The following KLHL29 variants were observed in gnomAD, a reference collection of about 807,000 sequenced individuals.
KLHL29 encodes kelch like family member 29, also known as kelch-like protein 29.
KLHL29 carries 21 observed loss-of-function variants against 80.4 expected under a neutral mutation model. The observed-to-expected ratio is 0.26, with a 90% CI of 0.19 to 0.38. The LOEUF is 0.38. Among genes scored for constraint, KLHL29 ranks in the 10% least tolerant of loss-of-function variants. KLHL29 has a pLI of 1.00. For missense variants in KLHL29, 867 were observed against 1,223.9 expected, an observed-to-expected ratio of 0.71 and a Z score of 4.35; for synonymous variants, 511 against 526.8, an observed-to-expected ratio of 0.97 and a Z score of 0.41.
intron 3 of KLHL29, among the ~76,000 whole-genome samples, chr2:23,630,034 GA>G (rs1669429534): frequency 6.6e-6 from 1 of 152,196 alleles, no homozygotes; most frequent in South Asian, 2.1e-4. Flanking sequence ...GAAGAAGGAG[GA>G]AGCCATTGTT....
intron 1 of KLHL29, among the ~76,000 whole-genome samples, chr2:23,408,134 GTTTTCA>G (rs1179332601): frequency 1.3e-5 from 2 of 151,524 alleles, no homozygotes; most frequent in Non-Finnish European, 2.9e-5. Context: ...AAATGCTGAA[GTTTTCA>G]TTTTGTGTTT....
At chr2:23,401,643 A>T (rs1666601511) in intron 1 of KLHL29, among the ~76,000 whole-genome samples, 1 of 152,182 alleles carries the variant, frequency 6.6e-6, no homozygotes, top group African/African-American at 2.4e-5. Context: ...TAGGCACAGG[A>T]GACCTGGGAC....
At chr2:23,670,978 CTCCCTCCCTCCCTCCCTCCCT>C (rs1670720255) in intron 5 of KLHL29, among the ~76,000 whole-genome samples, 1 of 17,444 alleles carries the variant, frequency 5.7e-5, no homozygotes, top group Non-Finnish European at 1.5e-4. Context: ...CTCTCTCTCT[CTCCCTCCCTCCCTCCCTCCCT>C]CCCCCCCCCC....
intron 3 of KLHL29, among the ~76,000 whole-genome samples, chr2:23,618,248 T>C (rs543485181): frequency 6.6e-6 from 1 of 152,262 alleles, no homozygotes; most frequent in South Asian, 2.1e-4. Flanking sequence ...CCAGAGCCAA[T>C]GTCTTTGTAG....
intron 2 of KLHL29, among the ~76,000 whole-genome samples, chr2:23,531,217 G>A (rs1421802202): frequency 6.6e-6 from 1 of 152,240 alleles, no homozygotes; most frequent in African/African-American, 2.4e-5. Context: ...GCCACGTGGT[G>A]GCCAGACAGC....
At chr2:23,573,088 C>G (rs930459578) in intron 3 of KLHL29, among the ~76,000 whole-genome samples, 3 of 152,002 alleles carry the variant, frequency 2.0e-5, no homozygotes, top group Non-Finnish European at 4.4e-5. Context: ...TGGGCCTGAG[C>G]CCGGATGATG....
At chr2:23,455,026 G>A (rs931896790) in intron 1 of KLHL29, among the ~76,000 whole-genome samples, 1 of 150,438 alleles carries the variant, frequency 6.6e-6, no homozygotes, top group African/African-American at 2.4e-5. Context: ...TATTTCTCTC[G>A]CATCTGCAGC....
chr2:23,447,709 A>G (rs1663740438), intron 1 of KLHL29, among the ~76,000 whole-genome samples: 1 of 152,214 alleles, frequency 6.6e-6, no homozygotes, highest in Non-Finnish European at 1.5e-5. Flanking sequence ...AAATTCTGAA[A>G]TAGAAAAGGC....
intron 5 of KLHL29, among the ~76,000 whole-genome samples, chr2:23,650,135 G>A (rs1026174134): frequency 1.3e-5 from 2 of 152,356 alleles, no homozygotes; most frequent in South Asian, 4.1e-4. Context: ...GGCCCTGGGA[G>A]AGAGGTGCAA....
intron 3 of KLHL29, among the ~76,000 whole-genome samples, chr2:23,608,634 A>G (rs926675938): frequency 6.6e-6 from 1 of 152,246 alleles, no homozygotes; most frequent in Non-Finnish European, 1.5e-5. Context: ...TAGGAAGCAG[A>G]TAACTGGAGA....
At chr2:23,518,530 C>G (rs1488537411) in intron 2 of KLHL29, among the ~76,000 whole-genome samples, 1 of 152,166 alleles carries the variant, frequency 6.6e-6, no homozygotes, top group Admixed American at 6.5e-5. Context: ...ACTTCCGTGG[C>G]CTAGAAAAGA....
intron 3 of KLHL29, among the ~76,000 whole-genome samples, chr2:23,627,186 G>A (rs966301154): frequency 2.0e-5 from 3 of 152,186 alleles, no homozygotes; most frequent in Non-Finnish European, 2.9e-5. Flanking sequence ...AATTTAGACG[G>A]CATCTGGCTG....
chr2:23,411,444 G>A (rs1344394643), intron 1 of KLHL29, among the ~76,000 whole-genome samples: 2 of 143,510 alleles, frequency 1.4e-5, no homozygotes, highest in African/African-American at 5.3e-5. Flanking sequence ...AGGATGGAAG[G>A]GCGAGGTAAT....
At position 23,706,832 on chromosome 2, in the gene KLHL29, C is replaced by T. The variant is rs1351326075; in HGVS notation, c.*168C>T. 7.3e-6 allele frequency: 4 copies of T among 549,750 alleles called. No individual in the cohort carries two copies. Among genetic ancestry groups the T allele is most frequent in the Non-Finnish European group, 1.2e-5 (4 of 331,926 alleles). The allele number at this position is 549,750 out of a possible 1,614,324, so 34.1% of individuals were successfully genotyped here. A position where few individuals can be genotyped will look rare whatever the true frequency, so the allele number is the denominator to read the frequency against. On this transcript the variant is annotated 3_prime_UTR_variant, in exon 14 of 14. Transcript: ENST00000486442. The stretch of plus-strand genomic sequence containing the variant: ...TACATTGAATGTAGAAAATCATCCT[C>T]GCCTTTGGATGAAACGGAGGCACCG...
At position 23,700,885 on chromosome 2, in the gene KLHL29, G is replaced by A. The variant is rs1160330732; in HGVS notation, c.2106-2301G>A. Among the ~76,000 whole-genome samples, 1 of 151,946 alleles carries A rather than the reference G, an allele frequency of 6.6e-6. No homozygotes were observed. Among genetic ancestry groups the A allele is most frequent in the African/African-American group, 2.4e-5 (1 of 41,346 alleles). ...GGGACCTTGGCTGCCCTCTGAGGACGCCTCTCAGCTCCCCTCTTAAAGACT... is the reference window on the plus strand; with the variant it reads ...GGGACCTTGGCTGCCCTCTGAGGACACCTCTCAGCTCCCCTCTTAAAGACT... On this transcript the variant is annotated intron_variant, in intron 11 of 13. Coordinates refer to ENST00000486442, the MANE Select transcript of KLHL29 (RefSeq NM_052920.2). The surrounding 1 kb of genome is among the most constrained non-coding windows in gnomAD (Gnocchi z 4.6).
chr2:23,500,880 A>G (rs1280521915), intron 2 of KLHL29, among the ~76,000 whole-genome samples: 1 of 152,180 alleles, frequency 6.6e-6, no homozygotes, highest in Non-Finnish European at 1.5e-5. Context: ...GCACTTTGAC[A>G]TGCTTTTTAA....
intron 1 of KLHL29, among the ~76,000 whole-genome samples, chr2:23,452,877 T>C (rs1247970230): frequency 1.3e-5 from 2 of 151,698 alleles, no homozygotes; most frequent in African/African-American, 4.9e-5. Flanking sequence ...AAGTGGGCTC[T>C]GTTGAGGGAC....
chr2:23,587,407 T>G (rs1350330251), intron 3 of KLHL29, among the ~76,000 whole-genome samples: 1 of 152,108 alleles, frequency 6.6e-6, no homozygotes, highest in Non-Finnish European at 1.5e-5. Context: ...ATCAATGATT[T>G]TGCCTTAGAG....
At position 23,539,431 on chromosome 2, in the gene KLHL29, C is replaced by CTTTTTTTTTT. The variant is rs1666768797; in HGVS notation, c.-45-22721_-45-22720insTTTTTTTTTT. On this transcript the variant is annotated intron_variant, in intron 2 of 13. Coordinates refer to ENST00000486442, the MANE Select transcript of KLHL29 (RefSeq NM_052920.2). ...ATGCTTTGCTAGCCTTATCCTGCCTCCTTTTTTTTTTTTTTTTTTTTTTTT... is the reference window on the plus strand; with the variant it reads ...ATGCTTTGCTAGCCTTATCCTGCCTCTTTTTTTTTTCTTTTTTTTTTTTTTTTTTTTTTTT... Among the ~76,000 whole-genome samples the CTTTTTTTTTT allele has an allele frequency of 8.4e-5, 9 of 107,216 alleles. 4 individuals carry two copies. Among genetic ancestry groups the CTTTTTTTTTT allele is most frequent in the African/African-American group, 1.1e-4 (3 of 28,106 alleles). 70.3% of individuals were successfully genotyped at this position (107,216 alleles called of 152,430 possible). A position where few individuals can be genotyped will look rare whatever the true frequency, so the allele number is the denominator to read the frequency against.
Sources: gnomAD v4.1 joint callset for allele counts (sites outside exome capture counted in the v4.1 genomes callset) on GRCh38, gnomAD v4.1.1 for gene constraint, Gnocchi (gnomAD v3.1) non-coding constraint, MANE v1.5 for transcripts, NCBI Gene and HGNC (gene_info 2026-07-23, HGNC 2026-07-21) for gene names.